MMP15: variants seen among roughly 807,000 people sequenced by gnomAD.
MMP15 encodes matrix metalloproteinase-15.
MMP15 carries 36 observed loss-of-function variants against 65.0 expected under a neutral mutation model. The observed-to-expected ratio is 0.55, with a 90% CI of 0.42 to 0.73. The LOEUF is 0.73. Among genes scored for constraint, MMP15 ranks in the 30% least tolerant of loss-of-function variants. The probability of loss-of-function intolerance (pLI) is 0.00; values close to 1 mark genes in which losing one functional copy is unlikely to be tolerated. For synonymous variants in MMP15, 428 were observed against 410.2 expected (o/e 1.04, Z -0.52); for missense variants, 870 against 987.8 (o/e 0.88, Z 1.60).
intron 1 of MMP15, among the ~76,000 whole-genome samples, chr16:58,035,657 C>T (rs1959316907): frequency 6.6e-6 from 1 of 152,200 alleles, no homozygotes; most frequent in South Asian, 2.1e-4. Context: ...GGTGGAGTGA[C>T]ACCTCGGAAA....
intron 1 of MMP15, among the ~76,000 whole-genome samples, chr16:58,033,951 C>T (rs1959283061): frequency 6.6e-6 from 1 of 152,234 alleles, no homozygotes; most frequent in Non-Finnish European, 1.5e-5. Flanking sequence ...AGGTGCCCCC[C>T]ACAGCAGCCC....
Position 58,025,889 on chromosome 16 carries a change from GA to G in MMP15, c.-461del, listed in dbSNP as rs1963803854. ...GCGCCTCCTCCCGGGACTGCTTGGG[GA>G]CCCGGGCCCGGTCGGGCGCGGCGGC... On this transcript the variant is annotated 5_prime_UTR_variant, in exon 1 of 10. Coordinates refer to ENST00000219271, the MANE Select transcript of MMP15 (RefSeq NM_002428.4). 1 of 152,140 alleles carries G rather than the reference GA, an allele frequency of 6.6e-6. No individual in the cohort carries two copies. The highest frequency in any genetic ancestry group is 2.4e-5 in the African/African-American group (1 of 41,400). The allele number at this position is 152,140 out of a possible 1,614,324, so 9.4% of individuals were successfully genotyped here. A position where few individuals can be genotyped will look rare whatever the true frequency, so the allele number is the denominator to read the frequency against.
rs1321325004 is a variant in MMP15, at chr16:58,026,576, G to T, written c.162+64G>T. ...GCTTGGAGGGAGAGGCGCCACGTCC[G>T]CAGGCTGGGACTTGGAGGTGGAGGG... is the stretch of plus-strand genomic sequence containing the variant. On this transcript the variant is annotated intron_variant, in intron 1 of 9. Coordinates refer to ENST00000219271, the MANE Select transcript of MMP15 (RefSeq NM_002428.4). 2.4e-6 allele frequency: 3 copies of T among 1,276,540 alleles called. No homozygotes were observed. The Admixed American group carries it at 1.3e-4, about 54-fold the overall frequency. The allele number at this position is 1,276,540 out of a possible 1,614,324, so 79.1% of individuals were successfully genotyped here. A position where few individuals can be genotyped will look rare whatever the true frequency, so the allele number is the denominator to read the frequency against.
intron 1 of MMP15, among the ~76,000 whole-genome samples, chr16:58,036,308 G>A (rs968863910): frequency 2.6e-5 from 4 of 152,308 alleles, no homozygotes; most frequent in South Asian, 2.1e-4. Flanking sequence ...ACCACAGCTC[G>A]GCCTGTCTCT....
chr16:58,043,491 G>T (rs950948253), intron 8 of MMP15, 21 bp from the exon 9 acceptor site: 82 of 1,612,436 alleles, frequency 5.1e-5, no homozygotes, highest in Non-Finnish European at 6.9e-5. Flanking sequence ...TAGGTCCACA[G>T]CCTGGTGCTT....
intron 1 of MMP15, among the ~76,000 whole-genome samples, chr16:58,033,562 A>G (rs1390678968): frequency 6.6e-6 from 1 of 152,188 alleles, no homozygotes; most frequent in Non-Finnish European, 1.5e-5. Flanking sequence ...TCTCCTTGCC[A>G]CTTACCTGAA....
intron 2 of MMP15, 74 bp downstream of exon 2, chr16:58,037,694 T>C (rs762347902): frequency 2.6e-5 from 41 of 1,587,936 alleles, no homozygotes; most frequent in Non-Finnish European, 3.5e-5. Flanking sequence ...GGGCTCAGCA[T>C]GTGGAGTTTC....
At chr16:58,037,152 G>A (rs1959347800) in intron 1 of MMP15, among the ~76,000 whole-genome samples, 1 of 152,224 alleles carries the variant, frequency 6.6e-6, no homozygotes, top group Non-Finnish European at 1.5e-5. Context: ...GGTGGATGGT[G>A]GTGAGGTCCA....
chr16:58,032,499 G>A (rs1033100717), intron 1 of MMP15, among the ~76,000 whole-genome samples: 1 of 152,244 alleles, frequency 6.6e-6, no homozygotes, highest in African/African-American at 2.4e-5. Context: ...GCTGTAGTCC[G>A]TAGAGGCCTG....
chr16:58,032,926 G>T (rs1007468196), intron 1 of MMP15, among the ~76,000 whole-genome samples: 4 of 152,246 alleles, frequency 2.6e-5, no homozygotes, highest in Non-Finnish European at 5.9e-5. Context: ...AGTGGAAAGT[G>T]TCCTTATCGC....
rs1959381323 is a variant in MMP15, at chr16:58,038,453, T to C, written c.440+59T>C. 1.9e-6 allele frequency: 3 copies of C among 1,603,464 alleles called. No individual in the cohort carries two copies. In the Admixed American group the frequency reaches 5.0e-5, roughly 27 times the overall value. ...CCCTCGGCAGGCCGAGCCTCAGACCTCCTTTCCCAGAGCCCACCTCGGCGC... is the reference window on the plus strand; with the variant it reads ...CCCTCGGCAGGCCGAGCCTCAGACCCCCTTTCCCAGAGCCCACCTCGGCGC... On this transcript the variant is annotated intron_variant, in intron 3 of 9. Transcript: ENST00000219271.
rs1959527545 is a variant in MMP15, at chr16:58,045,065, G to T, written c.1629G>T (p.Arg543=). The change falls in exon 10 of 10, where the codon CGG becomes CGT. Residue 543 remains arginine, a synonymous_variant. Transcript: ENST00000219271. ...KYWKFDNERL[R]MEPGYPKSIL... ...GGAAATTCGACAATGAGCGCCTGCG[G>T]ATGGAGCCCGGCTACCCCAAGTCCA... is the stretch of plus-strand genomic sequence containing the variant. 6.2e-7 allele frequency: 1 copy of T among 1,613,350 alleles called. No homozygotes were observed. The highest frequency in any genetic ancestry group is 8.5e-7 in the Non-Finnish European group (1 of 1,179,958).
chr16:58,041,797 A>T lies in MMP15; in HGVS notation c.1091A>T (p.Gln364Leu), dbSNP rs1269027480. 1.2e-6 allele frequency: 2 copies of T among 1,612,422 alleles called. No homozygotes were observed. Among genetic ancestry groups the T allele is most frequent in the Non-Finnish European group, 1.7e-6 (2 of 1,179,298 alleles). Reference sequence around the variant, plus strand: ...CCCCGAGCCACAGAGCGGCCCGACCAGTATGGCCCCAACATCTGCGACGGG... The same window carrying T: ...CCCCGAGCCACAGAGCGGCCCGACCTGTATGGCCCCAACATCTGCGACGGG... ...VQPRATERPD[Q>L]YGPNICDGDF... is the part of the protein sequence containing the mutation. The change falls in exon 6 of 10, where the codon CAG becomes CTG. Residue 364 changes from glutamine to leucine, a missense_variant. Physicochemically the swap from Gln to Leu is moderately radical, Grantham distance 113. Transcript: ENST00000219271.
chr16:58,032,958 G>A (rs1298524249), intron 1 of MMP15, among the ~76,000 whole-genome samples: 7 of 152,308 alleles, frequency 4.6e-5, no homozygotes, highest in African/African-American at 1.4e-4. Context: ...TAAGGGCCCC[G>A]GGGAGGGGGC....
At chr16:58,039,650 TCTTA>T (rs1455893128) in intron 3 of MMP15, among the ~76,000 whole-genome samples, 3 of 152,266 alleles carry the variant, frequency 2.0e-5, no homozygotes, top group Non-Finnish European at 2.9e-5. Context: ...TTAATGTCTC[TCTTA>T]CTTAAAATCA....
chr16:58,035,786 C>A (rs1454968989), intron 1 of MMP15, among the ~76,000 whole-genome samples: 1 of 152,204 alleles, frequency 6.6e-6, no homozygotes, highest in Non-Finnish European at 1.5e-5. Flanking sequence ...GGCCTCAAAG[C>A]TGTGGCTGCG....
chr16:58,040,968 C>CCT, intron 5 of MMP15: 1 of 549,440 alleles, frequency 1.8e-6, no homozygotes, highest in Non-Finnish European at 3.3e-6. Flanking sequence ...CTCCTCTCCT[C>CCT]CTCACCCTTG....
Position 58,025,774 on chromosome 16 carries a change from G to C in MMP15, c.-577G>C, listed in dbSNP as rs1304377664. 1 of 151,988 alleles carries C rather than the reference G, an allele frequency of 6.6e-6. No homozygotes were observed. The highest frequency in any genetic ancestry group is 2.4e-5 in the African/African-American group (1 of 41,394). 9.4% of individuals were successfully genotyped at this position (151,988 alleles called of 1,614,324 possible). ...GCGGGGAGGAGGGCTGGGAGCGCCC[G>C]GAGCCGCGCTGAACTCGCCGGGGAC... On this transcript the variant is annotated 5_prime_UTR_variant, in exon 1 of 10. Coordinates refer to ENST00000219271, the MANE Select transcript of MMP15 (RefSeq NM_002428.4).
At chr16:58,028,480 C>CA (rs1397333732) in intron 1 of MMP15, among the ~76,000 whole-genome samples, 2 of 152,184 alleles carry the variant, frequency 1.3e-5, no homozygotes, top group Non-Finnish European at 2.9e-5. Flanking sequence ...TTCTAGGGTC[C>CA]CATCAGGTCT....
Sources: gnomAD v4.1 joint callset for allele counts (sites outside exome capture counted in the v4.1 genomes callset) on GRCh38, gnomAD v4.1.1 for gene constraint, MANE v1.5 for transcripts, NCBI Gene and HGNC (gene_info 2026-07-23, HGNC 2026-07-21) for gene names.